The following PCDHA11 variants were observed in gnomAD, a reference collection of about 807,000 sequenced individuals.
PCDHA11 encodes the protein protocadherin alpha 11.
Under a neutral mutation model 70.3 loss-of-function variants are expected in PCDHA11, and 61 were observed. That is an observed-to-expected ratio of 0.87 (90% CI 0.71 to 1.07). The LOEUF (loss-of-function observed/expected upper bound fraction) is 1.07. Ranked by LOEUF, PCDHA11 falls within the 50% of genes least tolerant of loss-of-function variation. PCDHA11 has a pLI of 0.00. For missense variants in PCDHA11, 1,324 were observed against 1,237.5 expected (o/e 1.07, Z -1.05); for synonymous variants, 633 against 555.1 (o/e 1.14, Z -1.97).
intron 3 of PCDHA11, among the ~76,000 whole-genome samples, chr5:140,984,822 AC>A (rs1398539032): frequency 6.6e-6 from 1 of 152,126 alleles, no homozygotes; most frequent in Non-Finnish European, 1.5e-5. Flanking sequence ...TTTCTTAATT[AC>A]CCTTTCTGTA....
intron 1 of PCDHA11, chr5:140,877,407 C>A: frequency 6.2e-7 from 1 of 1,613,942 alleles, no homozygotes; most frequent in Non-Finnish European, 8.5e-7. Flanking sequence ...CTCCGCGCCA[C>A]CGCCTGCTGG....
At chr5:140,954,498 G>T (rs2095045375) in intron 1 of PCDHA11, among the ~76,000 whole-genome samples, 1 of 152,156 alleles carries the variant, frequency 6.6e-6, no homozygotes, top group Non-Finnish European at 1.5e-5. Context: ...TTGTGGTTTT[G>T]ATTTGCATTT....
intron 1 of PCDHA11, chr5:140,876,163 A>AC (rs782492210): frequency 6.2e-7 from 1 of 1,613,966 alleles, no homozygotes; most frequent in South Asian, 1.1e-5. Flanking sequence ...GATTCAAATA[A>AC]CCGTCCTGGA....
chr5:140,969,314 G>A (rs200006206), intron 1 of PCDHA11: 2 of 1,614,032 alleles, frequency 1.2e-6, no homozygotes, highest in Non-Finnish European at 1.7e-6. Context: ...CAAAAATGAG[G>A]CTGTTTCTCA....
chr5:140,878,567 G>T (rs562054144), intron 1 of PCDHA11, among the ~76,000 whole-genome samples: 1 of 152,268 alleles, frequency 6.6e-6, no homozygotes, highest in Non-Finnish European at 1.5e-5. Flanking sequence ...ACTTATCATA[G>T]TATACCACTG....
In PCDHA11 at chr5:140,967,246, G is replaced by T. The variant is rs569213693; in HGVS notation, c.2392-11703G>T. On this transcript the variant is annotated intron_variant, in intron 1 of 3. Coordinates refer to ENST00000398640, the MANE Select transcript of PCDHA11 (RefSeq NM_018902.5). ...ACTACCAGCTTCAGGTAAGCGAATCGGTGGCGCCTGGAGCGCGCTTTCACA... is the reference window on the plus strand; with the variant it reads ...ACTACCAGCTTCAGGTAAGCGAATCTGTGGCGCCTGGAGCGCGCTTTCACA... The T allele has an allele frequency of 9.6e-5, 155 of 1,613,594 alleles. 2 individuals carry two copies. In the South Asian group the frequency reaches 1.4e-3, roughly 15 times the overall value.
intron 1 of PCDHA11, among the ~76,000 whole-genome samples, chr5:140,900,590 G>A (rs984247729): frequency 3.3e-5 from 5 of 152,174 alleles, no homozygotes; most frequent in South Asian, 2.1e-4. Flanking sequence ...TTCTTTACCC[G>A]TTCATCTGAT....
rs192969362 is a variant in PCDHA11 at position 140,893,205 on chromosome 5, T to C, written c.2391+21711T>C. On this transcript the variant is annotated intron_variant, in intron 1 of 3. Transcript: ENST00000398640. ...CTATTGTGAATAGTGCTGCAGTAAG[T>C]ATGGGAGGTGCAGGTATCACTTTGA... Among the ~76,000 whole-genome samples, 9 of 152,220 alleles carry C rather than the reference T, an allele frequency of 5.9e-5. No homozygotes were observed. The East Asian group carries it at 9.6e-4, about 16-fold the overall frequency.
chr5:140,959,480 T>C (rs1554224103), intron 1 of PCDHA11, among the ~76,000 whole-genome samples: 1 of 152,222 alleles, frequency 6.6e-6, no homozygotes, highest in Non-Finnish European at 1.5e-5. Context: ...TCAAGGCATA[T>C]TGTTATATAT....
chr5:140,886,006 G>C (rs2060811194), intron 1 of PCDHA11, among the ~76,000 whole-genome samples: 2 of 152,088 alleles, frequency 1.3e-5, no homozygotes, highest in Non-Finnish European at 2.9e-5. Context: ...AAATAGTAAA[G>C]GGAGATGCTA....
intron 1 of PCDHA11, among the ~76,000 whole-genome samples, chr5:140,972,087 A>G (rs1372467840): frequency 3.3e-5 from 5 of 152,192 alleles, no homozygotes; most frequent in Non-Finnish European, 7.3e-5. Context: ...AAAAAGAGTA[A>G]TTTCTGGCAT....
chr5:140,878,011 A>G (rs1008308579), intron 1 of PCDHA11: 1 of 843,992 alleles, frequency 1.2e-6, no homozygotes, highest in Non-Finnish European at 1.7e-6. Flanking sequence ...TCTAACATTA[A>G]TGAAGGAAAT....
chr5:140,905,632 G>GCCA (rs2071986222), intron 1 of PCDHA11, among the ~76,000 whole-genome samples: 1 of 152,106 alleles, frequency 6.6e-6, no homozygotes, highest in South Asian at 2.1e-4. Flanking sequence ...TGACAGTATG[G>GCCA]TCAGTTTCAC....
chr5:140,885,965 A>C (rs2060792569), intron 1 of PCDHA11, among the ~76,000 whole-genome samples: 1 of 152,070 alleles, frequency 6.6e-6, no homozygotes, highest in African/African-American at 2.4e-5. Context: ...TTTTATTTTG[A>C]GATAATTATA....
intron 1 of PCDHA11, among the ~76,000 whole-genome samples, chr5:140,948,721 A>G (rs1392170905): frequency 2.0e-5 from 3 of 151,530 alleles, no homozygotes; most frequent in African/African-American, 7.2e-5. Flanking sequence ...CTTTTTTATC[A>G]ATAAGTCTAG....
At chr5:140,887,459 G>T (rs532781133) in intron 1 of PCDHA11, among the ~76,000 whole-genome samples, 4 of 152,126 alleles carry the variant, frequency 2.6e-5, no homozygotes, top group Non-Finnish European at 5.9e-5. Flanking sequence ...TTTTTTAAAA[G>T]ATATAATTCA....
intron 1 of PCDHA11, chr5:140,966,814 CCGG>C (rs2096057641): frequency 1.9e-6 from 3 of 1,552,444 alleles, no homozygotes; most frequent in Non-Finnish European, 2.6e-6. Flanking sequence ...ATCCACGGCT[CCGG>C]CGGCCCATGC....
chr5:140,894,354 TTTC>T (rs1477056787), intron 1 of PCDHA11, among the ~76,000 whole-genome samples: 2 of 152,070 alleles, frequency 1.3e-5, no homozygotes, highest in Admixed American at 1.3e-4. Context: ...TTACTTCAGA[TTTC>T]TTCTTCAATG....
At chr5:140,941,347 T>G (rs246069) in intron 1 of PCDHA11, among the ~76,000 whole-genome samples, 2 of 130,422 alleles carry the variant, frequency 1.5e-5, no homozygotes, top group African/African-American at 5.9e-5. Context: ...GATGGAGTCT[T>G]GCTCTGTTGC....
Sources: gnomAD v4.1 joint callset for allele counts (sites outside exome capture counted in the v4.1 genomes callset) on GRCh38, gnomAD v4.1.1 for gene constraint, MANE v1.5 for transcripts, NCBI Gene and HGNC (gene_info 2026-07-23, HGNC 2026-07-21) for gene names.